Variants in BMPR1B observed in about 807,000 individuals in gnomAD.
BMPR1B encodes the protein bone morphogenetic protein receptor type-1B.
BMPR1B carries 12 observed loss-of-function variants against 59.1 expected under a neutral mutation model. That is an observed-to-expected ratio of 0.20 (90% CI 0.13 to 0.33). The LOEUF (loss-of-function observed/expected upper bound fraction) is 0.33, where lower values mean the gene tolerates loss of function less well. Ranked by LOEUF, BMPR1B falls within the 10% of genes least tolerant of loss-of-function variation. The pLI, the probability that BMPR1B is intolerant of heterozygous loss-of-function variation, is 1.00. For missense variants in BMPR1B, 550 were observed against 610.9 expected (o/e 0.90, Z 1.05); for synonymous variants, 237 against 207.3 (o/e 1.14, Z -1.23).
chr4:94,963,990 A>G (rs1578856967), intron 2 of BMPR1B, among the ~76,000 whole-genome samples: 1 of 151,930 alleles, frequency 6.6e-6, no homozygotes, highest in Non-Finnish European at 1.5e-5. Context: ...AATTTTTTGT[A>G]TTATCTTCAG....
intron 1 of BMPR1B, among the ~76,000 whole-genome samples, chr4:94,867,100 C>T (rs1421037936): frequency 1.3e-5 from 2 of 152,120 alleles, no homozygotes; most frequent in African/African-American, 4.8e-5. Flanking sequence ...TCTCTGGGGT[C>T]TTTTACTGGC....
rs544857406 is a variant in BMPR1B at position 94,957,060 on chromosome 4, G to A, written c.-112-38980G>A. 5.9e-5 allele frequency among the ~76,000 whole-genome samples: 9 copies of A among 152,212 alleles called. No individual in the cohort carries two copies. The South Asian group carries it at 1.2e-3, about 21-fold the overall frequency. ...TGACTGTTACTGGTTTATTCATTTG[G>A]CAAAATAACAGATAATCAATAGGGC... On this transcript the variant is annotated intron_variant, in intron 2 of 12. Transcript: ENST00000515059.
intron 2 of BMPR1B, among the ~76,000 whole-genome samples, chr4:94,970,286 CTTCTCTTCTCTTCTCTTCT>C (rs879596367): frequency 0.012 from 1,338 of 115,756 alleles, 18 homozygotes; most frequent in Non-Finnish European, 0.018. Context: ...CTTCTCTTCT[CTTCTCTTCTCTTCTCTTCT>C]TTCTCTCTCT....
intron 1 of BMPR1B, among the ~76,000 whole-genome samples, chr4:94,849,174 TGGG>T (rs537058632): frequency 2.6e-4 from 39 of 152,190 alleles, no homozygotes; most frequent in African/African-American, 8.7e-4. Flanking sequence ...GTTTGGAAGT[TGGG>T]GTAATAAATG....
intron 1 of BMPR1B, among the ~76,000 whole-genome samples, chr4:94,871,220 C>G (rs1056080005): frequency 1.3e-5 from 2 of 152,242 alleles, no homozygotes; most frequent in Middle Eastern, 3.4e-3. Context: ...CTTTGCTGCT[C>G]TGCATTCTGC....
intron 2 of BMPR1B, among the ~76,000 whole-genome samples, chr4:94,934,694 T>C (rs1385593394): frequency 6.6e-6 from 1 of 152,058 alleles, no homozygotes; most frequent in East Asian, 1.9e-4. Flanking sequence ...AATGCAACTT[T>C]TGTGTGCTTT....
At position 95,091,222 on chromosome 4, in the gene BMPR1B, CA is replaced by C. The variant is rs550654994; in HGVS notation, c.-17-13185del. On this transcript the variant is annotated intron_variant, in intron 3 of 12. Transcript: ENST00000515059. ...TTACATAACACACTGTGGTCAGTGACATTTTTTTCATTCTTTTTCCTTTTTC... is the reference window on the plus strand; with the variant it reads ...TTACATAACACACTGTGGTCAGTGACTTTTTTTCATTCTTTTTCCTTTTTC... Among the ~76,000 whole-genome samples the C allele has an allele frequency of 7.9e-5, 12 of 152,068 alleles. 1 individual carries two copies. The South Asian group carries it at 2.5e-3, about 32-fold the overall frequency.
intron 2 of BMPR1B, among the ~76,000 whole-genome samples, chr4:94,892,611 T>C (rs1727443414): frequency 6.6e-6 from 1 of 152,026 alleles, no homozygotes; most frequent in Non-Finnish European, 1.5e-5. Flanking sequence ...AAAGAAGTAA[T>C]TCTATTGGTA....
chr4:95,106,213 G>T (rs1439320130), intron 4 of BMPR1B, among the ~76,000 whole-genome samples: 1 of 151,950 alleles, frequency 6.6e-6, no homozygotes, highest in African/African-American at 2.4e-5. Context: ...GTGACCTGGT[G>T]GGCTATATTA....
intron 2 of BMPR1B, among the ~76,000 whole-genome samples, chr4:94,881,215 C>T (rs1726955734): frequency 6.6e-6 from 1 of 152,084 alleles, no homozygotes; most frequent in African/African-American, 2.4e-5. Flanking sequence ...AGCCCTCAGT[C>T]CTTGGCAACC....
At chr4:95,149,062 G>A in intron 11 of BMPR1B, 139 bp downstream of exon 11, 2 of 1,101,580 alleles carry the variant, frequency 1.8e-6, no homozygotes, top group Non-Finnish European at 2.7e-6. Flanking sequence ...TGCAGTCATA[G>A]TGCTTCCAGG....
intron 2 of BMPR1B, among the ~76,000 whole-genome samples, chr4:94,937,800 G>A (rs557445208): frequency 2.0e-5 from 3 of 151,814 alleles, no homozygotes; most frequent in South Asian, 2.1e-4. Context: ...TTCAGTTATC[G>A]GATAGCAATC....
chr4:95,126,900 T>C (rs1295359715), intron 8 of BMPR1B, among the ~76,000 whole-genome samples: 2 of 152,332 alleles, frequency 1.3e-5, no homozygotes, highest in East Asian at 3.9e-4. Flanking sequence ...TAGTGCCTTA[T>C]ATATAACCAC....
intron 1 of BMPR1B, among the ~76,000 whole-genome samples, chr4:94,792,197 ATAGAT>A (rs554087118): frequency 6.6e-5 from 10 of 152,186 alleles, no homozygotes; most frequent in Non-Finnish European, 1.2e-4. Context: ...CCTTCTAAAA[ATAGAT>A]TATATTGAAC....
chr4:94,841,259 G>T (rs183913854), intron 1 of BMPR1B, among the ~76,000 whole-genome samples: 1 of 145,644 alleles, frequency 6.9e-6, no homozygotes. Flanking sequence ...TACAGAGGCA[G>T]GCAGGCCTCC....
Position 94,902,088 on chromosome 4 carries a change from G to GTGTGTGTGTGTGTGT in BMPR1B, c.-113+26188_-113+26189insTGTGTGTGTGTGTGT, listed in dbSNP as rs201783533. ...GTGTGTGTGTGTGTGTGTGTGTGTG[G>GTGTGTGTGTGTGTGT]GGTGTATTTAAAGGAAACAACTTGA... On this transcript the variant is annotated intron_variant, in intron 2 of 12. Transcript: ENST00000515059. Among the ~76,000 whole-genome samples the GTGTGTGTGTGTGTGT allele has an allele frequency of 1.8e-3, 210 of 119,866 alleles. 5 individuals carry two copies. Among genetic ancestry groups the GTGTGTGTGTGTGTGT allele is most frequent in the African/African-American group, 6.7e-3 (193 of 28,982 alleles). 78.6% of individuals were successfully genotyped at this position (119,866 alleles called of 152,430 possible).
intron 2 of BMPR1B, among the ~76,000 whole-genome samples, chr4:94,969,507 G>A (rs1730691351): frequency 6.6e-6 from 1 of 152,198 alleles, no homozygotes; most frequent in African/African-American, 2.4e-5. Context: ...CTCAGAAAAT[G>A]TGTAGCTATT....
chr4:94,913,840 T>C (rs913241053), intron 2 of BMPR1B, among the ~76,000 whole-genome samples: 4 of 152,176 alleles, frequency 2.6e-5, no homozygotes, highest in Non-Finnish European at 5.9e-5. Context: ...CCACTAGCCA[T>C]GTGTGGCTAT....
At chr4:94,942,031 A>ACAGAAGAGT (rs1420001017) in intron 2 of BMPR1B, among the ~76,000 whole-genome samples, 1 of 152,238 alleles carries the variant, frequency 6.6e-6, no homozygotes, top group Non-Finnish European at 1.5e-5. Context: ...AGACCAGAAG[A>ACAGAAGAGT]CAGAAGAGTC....
Sources: allele counts gnomAD v4.1 joint callset (sites outside exome capture counted in the v4.1 genomes callset), GRCh38; gene constraint gnomAD v4.1.1; transcripts MANE v1.5; gene names NCBI Gene and HGNC (gene_info 2026-07-23, HGNC 2026-07-21).